The following ASIC2 variants were observed in gnomAD, a reference collection of about 807,000 sequenced individuals.
The protein encoded by ASIC2 is acid sensing ion channel subunit 2.
A neutral mutation model predicts 57.3 loss-of-function variants in ASIC2; 25 were observed. That is an observed-to-expected ratio of 0.44 (90% CI 0.32 to 0.61). ASIC2 has a LOEUF of 0.61. ASIC2 is among the 20% of genes least tolerant of loss of function. The pLI, the probability that ASIC2 is intolerant of heterozygous loss-of-function variation, is 0.06. For synonymous variants in ASIC2, 319 were observed against 307.5 expected, an observed-to-expected ratio of 1.04 and a Z score of -0.39; for missense variants, 641 against 738.1, an observed-to-expected ratio of 0.87 and a Z score of 1.52.
intron 5 of ASIC2, among the ~76,000 whole-genome samples, chr17:33,024,850 G>C (rs1404988197): frequency 1.3e-5 from 2 of 152,140 alleles, no homozygotes; most frequent in Non-Finnish European, 2.9e-5. Flanking sequence ...TGAATCTCCA[G>C]CTGTCTTGGC....
At chr17:34,141,446 C>T (rs1404489184) in intron 1 of ASIC2, among the ~76,000 whole-genome samples, 1 of 152,140 alleles carries the variant, frequency 6.6e-6, no homozygotes, top group Admixed American at 6.5e-5. Context: ...TTTTCAGAGC[C>T]TACCATGTGT....
At chr17:33,787,500 A>G (rs1381578044) in intron 1 of ASIC2, among the ~76,000 whole-genome samples, 1 of 152,252 alleles carries the variant, frequency 6.6e-6, no homozygotes, top group Non-Finnish European at 1.5e-5. Flanking sequence ...CAATACACTT[A>G]TTGGGTCTCA....
At chr17:33,671,808 C>T (rs1434708416) in intron 1 of ASIC2, among the ~76,000 whole-genome samples, 1 of 152,166 alleles carries the variant, frequency 6.6e-6, no homozygotes, top group Non-Finnish European at 1.5e-5. Context: ...TTATTAGGAA[C>T]CTGATAAATG....
At chr17:33,249,971 T>C (rs1163575225) in intron 1 of ASIC2, among the ~76,000 whole-genome samples, 1 of 152,090 alleles carries the variant, frequency 6.6e-6, no homozygotes, top group Non-Finnish European at 1.5e-5. Flanking sequence ...GGGGTCTGAC[T>C]TCACAGGCCA....
chr17:33,846,224 T>C (rs367830021), intron 1 of ASIC2, among the ~76,000 whole-genome samples: 1 of 152,266 alleles, frequency 6.6e-6, no homozygotes, highest in East Asian at 1.9e-4. Flanking sequence ...AGGGAGCAGG[T>C]TCTGGGAGTC....
At chr17:33,033,041 G>A (rs191279130) in intron 3 of ASIC2, among the ~76,000 whole-genome samples, 43 of 152,296 alleles carry the variant, frequency 2.8e-4, no homozygotes, top group Non-Finnish European at 4.6e-4. Context: ...AGGCAAGGCC[G>A]AAGGATTCCT....
chr17:33,225,329 T>C (rs1052699807), intron 1 of ASIC2, among the ~76,000 whole-genome samples: 1 of 152,206 alleles, frequency 6.6e-6, no homozygotes, highest in African/African-American at 2.4e-5. Flanking sequence ...GTCTGCGTGA[T>C]TGGAGTAAGT....
In ASIC2 at chr17:34,099,779, AAAGAAAGAAAGAAAGAAAG is replaced by A. The variant is rs1348624117; in HGVS notation, c.555+56180_555+56198del. On this transcript the variant is annotated intron_variant, in intron 1 of 9. Transcript: ENST00000359872. ...GAAAGAAAGAAAGAAAGAAAGAAAGAAAGAAAGAAAGAAAGAAAGAAAGAAAAGAGAATCTCATAGTATT... is the reference window on the plus strand; with the variant it reads ...GAAAGAAAGAAAGAAAGAAAGAAAGAAAAGAAAAGAGAATCTCATAGTATT... Among the ~76,000 whole-genome samples, 30 of 57,046 alleles carry A rather than the reference AAAGAAAGAAAGAAAGAAAG, an allele frequency of 5.3e-4. 1 individual carries two copies. Among genetic ancestry groups the A allele is most frequent in the South Asian group, 1.5e-3 (2 of 1,352 alleles). 37.4% of individuals were successfully genotyped at this position (57,046 alleles called of 152,430 possible).
At chr17:33,685,941 G>A (rs1404996658) in intron 1 of ASIC2, among the ~76,000 whole-genome samples, 1 of 152,120 alleles carries the variant, frequency 6.6e-6, no homozygotes, top group Non-Finnish European at 1.5e-5. Flanking sequence ...TCTCAGTCAC[G>A]GGGGACCGGG....
At chr17:33,629,514 G>A (rs1044933428) in intron 1 of ASIC2, among the ~76,000 whole-genome samples, 2 of 152,214 alleles carry the variant, frequency 1.3e-5, no homozygotes, top group African/African-American at 4.8e-5. Context: ...AGTGACGTAT[G>A]TTGGTTGCGT....
intron 1 of ASIC2, among the ~76,000 whole-genome samples, chr17:33,726,065 G>A (rs1437458005): frequency 6.6e-6 from 1 of 152,344 alleles, no homozygotes; most frequent in East Asian, 1.9e-4. Context: ...CACATGGAAG[G>A]CAGACTGGCC....
rs573745855 is a variant in ASIC2, at chr17:33,301,333, G to A, written c.556-189266C>T. Among the ~76,000 whole-genome samples the A allele has an allele frequency of 4.6e-5, 7 of 152,064 alleles. No individual in the cohort carries two copies. In the South Asian group the frequency reaches 6.2e-4, roughly 14 times the overall value. ...TAGGATTGCAGGTGTGAGCCACCAC[G>A]CCTGGCCAGACTTAACTCATGTTAT... is the stretch of plus-strand genomic sequence containing the variant. On this transcript the variant is annotated intron_variant, in intron 1 of 9. Transcript: ENST00000359872.
chr17:33,772,235 C>T (rs1911134174), intron 1 of ASIC2, among the ~76,000 whole-genome samples: 1 of 152,212 alleles, frequency 6.6e-6, no homozygotes, highest in Non-Finnish European at 1.5e-5. Context: ...AGAGAGGGTC[C>T]TGTCCCACAT....
chr17:33,227,253 G>T (rs1907915663), intron 1 of ASIC2, among the ~76,000 whole-genome samples: 1 of 152,144 alleles, frequency 6.6e-6, no homozygotes, highest in Non-Finnish European at 1.5e-5. Flanking sequence ...CTGATGAAAT[G>T]GGAATAAAGT....
chr17:33,482,458 G>C (rs1913437140), intron 1 of ASIC2, among the ~76,000 whole-genome samples: 1 of 152,176 alleles, frequency 6.6e-6, no homozygotes, highest in Non-Finnish European at 1.5e-5. Flanking sequence ...ACTTGGACTG[G>C]ATTTGCATCC....
intron 1 of ASIC2, chr17:34,038,296 C>T (rs1907969525): frequency 6.2e-7 from 1 of 1,610,190 alleles, no homozygotes; most frequent in Non-Finnish European, 8.5e-7. Context: ...GATCATTTCC[C>T]TCACAGTATT....
intron 1 of ASIC2, among the ~76,000 whole-genome samples, chr17:34,007,918 T>C (rs920832748): frequency 2.0e-5 from 3 of 152,204 alleles, no homozygotes; most frequent in African/African-American, 4.8e-5. Context: ...ATGTCTTACA[T>C]AGGAAGGCTC....
Position 33,483,432 on chromosome 17 carries a change from C to T in ASIC2, c.556-371365G>A, listed in dbSNP as rs565776841. 7.2e-5 allele frequency among the ~76,000 whole-genome samples: 11 copies of T among 152,364 alleles called. No homozygotes were observed. The South Asian group carries it at 2.3e-3, about 32-fold the overall frequency. ...TATCCTCAGACAAGGTCACAGAGGA[C>T]TGCTCTTTACAAAGAAGGGAAGGAG... On this transcript the variant is annotated intron_variant, in intron 1 of 9. Coordinates refer to the ASIC2 transcript ENST00000359872.
chr17:33,247,508 G>A (rs539471488), intron 1 of ASIC2, among the ~76,000 whole-genome samples: 25 of 152,242 alleles, frequency 1.6e-4, no homozygotes, highest in African/African-American at 5.3e-4. Context: ...ACCTAAAATC[G>A]TCTCTAGTTT....
Sources: allele counts gnomAD v4.1 joint callset (sites outside exome capture counted in the v4.1 genomes callset), GRCh38; gene constraint gnomAD v4.1.1; transcripts MANE v1.5; gene names NCBI Gene and HGNC (gene_info 2026-07-23, HGNC 2026-07-21).